Variants in MEST observed in about 807,000 individuals in gnomAD.
The protein encoded by MEST is mesoderm specific transcript, also known as mesoderm-specific transcript homolog protein.
A neutral mutation model predicts 50.9 loss-of-function variants in MEST; 18 were observed. The ratio of observed to expected loss-of-function variants is 0.35; its 90% confidence interval spans 0.24 to 0.52. The LOEUF (loss-of-function observed/expected upper bound fraction) is 0.52, where lower values mean the gene tolerates loss of function less well. Among genes scored for constraint, MEST ranks in the 20% least tolerant of loss-of-function variants. The probability of loss-of-function intolerance (pLI) is 0.94; values close to 1 mark genes in which losing one functional copy is unlikely to be tolerated. For missense variants in MEST, 282 were observed against 425.3 expected (o/e 0.66, Z 2.96); for synonymous variants, 130 against 154.1 (o/e 0.84, Z 1.16).
At chr7:130,498,347 T>G (rs534900655) in intron 5 of MEST, 72 bp downstream of exon 5, 2 of 1,611,324 alleles carry the variant, frequency 1.2e-6, no homozygotes, top group Non-Finnish European at 1.7e-6. Context: ...TGTATCCTTT[T>G]TCTCTCGTTT....
At chr7:130,498,582 A>ATTT in intron 6 of MEST, 105 bp downstream of exon 6, 1 of 1,065,844 alleles carries the variant, frequency 9.4e-7, no homozygotes, top group South Asian at 1.3e-5. Flanking sequence ...AGTAGACATA[A>ATTT]TTAAACTATG....
Position 130,500,598 on chromosome 7 carries a change from C to A in MEST, c.647+66C>A. On this transcript the variant is annotated intron_variant, in intron 8 of 11. Transcript: ENST00000223215. This position sits in a 1 kb window ranked among gnomAD's most constrained non-coding sequence, Gnocchi z 5.0. The stretch of plus-strand genomic sequence containing the variant: ...GTGAAAAGTTGCTGCCATTACAATT[C>A]TGGGCCAAATCCTAAGGCTTGATAT... 6.7e-7 allele frequency: 1 copy of A among 1,486,470 alleles called. No individual in the cohort carries two copies. Among genetic ancestry groups the A allele is most frequent in the Non-Finnish European group, 9.3e-7 (1 of 1,078,790 alleles). 92.1% of individuals were successfully genotyped at this position (1,486,470 alleles called of 1,614,324 possible).
At chr7:130,499,724 G>T in intron 6 of MEST, 151 bp from the exon 7 acceptor site, 1 of 568,476 alleles carries the variant, frequency 1.8e-6, no homozygotes, top group Non-Finnish European at 3.0e-6. Flanking sequence ...GGGTGAGGTG[G>T]CTTGCACCTG....
At chr7:130,494,797 T>C in intron 1 of MEST, 1 of 983,700 alleles carries the variant, frequency 1.0e-6, no homozygotes, top group African/African-American at 1.7e-5. Flanking sequence ...TGGGGCTTCA[T>C]TTAGGCAGGA....
At chr7:130,491,256 G>A (rs546964593), upstream of MEST, 1 of 152,276 alleles carries the variant, frequency 6.6e-6, no homozygotes, top group Non-Finnish European at 1.5e-5. The surrounding 1 kb of genome is among the most constrained non-coding windows in gnomAD (Gnocchi z 6.8). Context: ...TAAATAAAGG[G>A]GGCTTTGCTC....
At position 130,497,883 on chromosome 7, in the gene MEST, G is replaced by A; in HGVS notation, c.262-53G>A. The A allele has an allele frequency of 1.9e-6, 3 of 1,550,906 alleles. No individual in the cohort carries two copies. Among genetic ancestry groups the A allele is most frequent in the Non-Finnish European group, 2.7e-6 (3 of 1,122,542 alleles). ...AAGCTCCTGTGCAACTGTAGGTCTG[G>A]TGAAAGGGAGGGGCAGGAGCAGAAA... On this transcript the variant is annotated intron_variant, in intron 3 of 11. Transcript: ENST00000223215. The surrounding 1 kb of genome is among the most constrained non-coding windows in gnomAD (Gnocchi z 4.0).
At chr7:130,495,062 C>T (rs1433932701) in intron 1 of MEST, among the ~76,000 whole-genome samples, 1 of 152,062 alleles carries the variant, frequency 6.6e-6, no homozygotes, top group African/African-American at 2.4e-5. Context: ...AAGTCCTCTT[C>T]AGCAGGTATT....
At position 130,498,286 on chromosome 7, in the gene MEST, C is replaced by T. The variant is rs1799145099; in HGVS notation, c.476+11C>T. On this transcript the variant is annotated intron_variant, in intron 5 of 11. Coordinates refer to ENST00000223215, the MANE Select transcript of MEST (RefSeq NM_002402.4). ...GGAGCTTCTCTACAGGTCAGTGGAG[C>T]TTCAGACTTCAGCTTATGATGCTAG... 3 of 1,613,278 alleles carry T rather than the reference C, an allele frequency of 1.9e-6. No individual in the cohort carries two copies. Among genetic ancestry groups the T allele is most frequent in the Non-Finnish European group, 2.5e-6 (3 of 1,179,498 alleles).
At chr7:130,496,411 T>C (rs1799063755) in intron 2 of MEST, 1 of 314,466 alleles carries the variant, frequency 3.2e-6, no homozygotes, top group African/African-American at 2.3e-5. Context: ...ATATACAATT[T>C]TTAACTGCTT....
intron 11 of MEST, 109 bp from the exon 12 acceptor site, chr7:130,504,830 C>T: frequency 1.4e-6 from 1 of 715,280 alleles, no homozygotes; most frequent in Non-Finnish European, 2.4e-6. Flanking sequence ...TCTTTGGTGG[C>T]TCCTTCCAGT....
Position 130,505,198 on chromosome 7 carries a change from A to AGTG in MEST, c.*143_*145dup, listed in dbSNP as rs1799434241. 1.5e-6 allele frequency: 1 copy of AGTG among 670,788 alleles called. No individual in the cohort carries two copies. The highest frequency in any genetic ancestry group is 1.8e-5 in the African/African-American group (1 of 56,128). The allele number at this position is 670,788 out of a possible 1,614,324, so 41.6% of individuals were successfully genotyped here. ...GTCCACTTTACTCAAATTGGTGAACAGTGTATAGGAAGAAGCCAGCAGGAG... is the reference window on the plus strand; with the variant it reads ...GTCCACTTTACTCAAATTGGTGAACAGTGGTGTATAGGAAGAAGCCAGCAGGAG... On this transcript the variant is annotated 3_prime_UTR_variant, in exon 12 of 12. Coordinates refer to ENST00000223215, the MANE Select transcript of MEST (RefSeq NM_002402.4).
rs1799221863 is a variant in MEST at position 130,500,168 on chromosome 7, CT to C, written c.576+254del. 1.8e-6 allele frequency: 1 copy of C among 553,036 alleles called. No individual in the cohort carries two copies. Among genetic ancestry groups the C allele is most frequent in the South Asian group, 2.7e-5 (1 of 36,896 alleles). 34.3% of individuals were successfully genotyped at this position (553,036 alleles called of 1,614,324 possible). On this transcript the variant is annotated intron_variant, in intron 7 of 11. Coordinates refer to ENST00000223215, the MANE Select transcript of MEST (RefSeq NM_002402.4). The surrounding 1 kb of genome is among the most constrained non-coding windows in gnomAD (Gnocchi z 5.0). ...GGAGAAATTACAGCTATGGAAAGAT[CT>C]GTGTCACAAGCTTGATGTTTGAACA... is the stretch of plus-strand genomic sequence containing the variant.
At chr7:130,504,122 A>T in intron 11 of MEST, 126 bp downstream of exon 11, 1 of 684,964 alleles carries the variant, frequency 1.5e-6, no homozygotes, top group South Asian at 2.0e-5. Context: ...TTCATCCAGG[A>T]AACAATAAAA....
chr7:130,490,594 G>A (rs1364709946), upstream of MEST, among the ~76,000 whole-genome samples: 3 of 152,176 alleles, frequency 2.0e-5, no homozygotes, highest in Admixed American at 6.5e-5. Flanking sequence ...CTCTGCCTCT[G>A]AGGGCCTTAC....
At chr7:130,503,256 T>C (rs782411342) in intron 10 of MEST, among the ~76,000 whole-genome samples, 1 of 152,218 alleles carries the variant, frequency 6.6e-6, no homozygotes, top group African/African-American at 2.4e-5. Flanking sequence ...CAGGAAATTA[T>C]TGGTTGATTT....
chr7:130,495,434 C>T lies in MEST; in HGVS notation c.93C>T (p.Ile31=). The T allele has an allele frequency of 1.2e-6, 2 of 1,613,972 alleles. No individual in the cohort carries two copies. The highest frequency in any genetic ancestry group is 8.5e-7 in the Non-Finnish European group (1 of 1,179,954). ...CCCTGCTTGCTGCGTACCTGCACAT[C>T]CCACCCCCTCAGCTCTCCCCTGCCC... The part of the protein sequence containing the change: ...AVPLLAAYLH[I]PPPQLSPALH... Residue 31 remains isoleucine, a synonymous_variant, in exon 2 of 12, where the codon ATC becomes ATT. Transcript: ENST00000223215.
At chr7:130,496,339 T>A (rs192506726) in intron 2 of MEST, 1 of 366,902 alleles carries the variant, frequency 2.7e-6, no homozygotes, top group East Asian at 1.0e-4. Context: ...ACTATACTAC[T>A]TGTATAAATG....
chr7:130,486,221 G>C (rs1327517080), exon 1 of MEST: 5 of 152,230 alleles, frequency 3.3e-5, no homozygotes, highest in African/African-American at 1.2e-4. Flanking sequence ...TGCTGGGCTC[G>C]GGGGCGATGG....
intron 10 of MEST, among the ~76,000 whole-genome samples, chr7:130,503,545 A>AC (rs1321890001): frequency 6.6e-6 from 1 of 152,240 alleles, no homozygotes. Context: ...GAGGATGCTC[A>AC]CGTCTGTAAT....
Sources: allele counts gnomAD v4.1 joint callset (sites outside exome capture counted in the v4.1 genomes callset), GRCh38; gene constraint gnomAD v4.1.1; non-coding constraint Gnocchi (gnomAD v3.1); transcripts MANE v1.5; gene names NCBI Gene and HGNC (gene_info 2026-07-23, HGNC 2026-07-21).